The following TIGIT variants were observed in gnomAD, a reference collection of about 807,000 sequenced individuals.
The protein encoded by TIGIT is T-cell immunoreceptor with Ig and ITIM domains.
TIGIT carries 11 observed loss-of-function variants against 19.6 expected under a neutral mutation model. That is an observed-to-expected ratio of 0.56 (90% CI 0.35 to 0.93). The LOEUF (loss-of-function observed/expected upper bound fraction) is 0.93, where lower values mean the gene tolerates loss of function less well. Among genes scored for constraint, TIGIT ranks in the 40% least tolerant of loss-of-function variants. The pLI is 0.01. For missense variants in TIGIT, 295 were observed against 303.9 expected (o/e 0.97, Z 0.22); for synonymous variants, 130 against 125.5 (o/e 1.04, Z -0.24).
chr3:114,301,396 C>T (rs2078491097), intron 3 of TIGIT, among the ~76,000 whole-genome samples: 1 of 152,236 alleles, frequency 6.6e-6, no homozygotes, highest in South Asian at 2.1e-4. Flanking sequence ...TGTTGGCTAT[C>T]ACAATAGACA....
chr3:114,308,033 G>C lies in TIGIT; in HGVS notation c.637G>C (p.Glu213Gln), dbSNP rs772660560. The change falls in exon 4 of 4, where the codon GAG (glutamate) becomes CAG (glutamine). Residue 213 changes from glutamate to glutamine, a missense_variant. Glu to Gln is a conservative substitution (Grantham distance 29, BLOSUM62 2). Coordinates refer to ENST00000383671, the MANE Select transcript of TIGIT (RefSeq NM_173799.4). ...AGCTGCACCTGCTGGGCTCTGTGGA[G>C]AGCAGCGGGGAGAGGACTGTGCCGA... ...AEAAPAGLCG[E>Q]QRGEDCAELH... 2 of 1,614,066 alleles carry C rather than the reference G, an allele frequency of 1.2e-6. No individual in the cohort carries two copies. The highest frequency in any genetic ancestry group is 2.2e-5 in the South Asian group (2 of 91,074).
chr3:114,297,543 A>G (rs1576137106), intron 2 of TIGIT, among the ~76,000 whole-genome samples: 1 of 152,130 alleles, frequency 6.6e-6, no homozygotes, highest in East Asian at 1.9e-4. Flanking sequence ...AGGACCCATC[A>G]CCAGACGGCA....
At chr3:114,295,054 G>A (rs1022670155) in intron 1 of TIGIT, 1 of 165,374 alleles carries the variant, frequency 6.0e-6, no homozygotes, top group African/African-American at 2.4e-5. Flanking sequence ...GTGCTAAGTT[G>A]TGTAGTCATA....
At chr3:114,306,516 C>T (rs2078536381) in intron 3 of TIGIT, among the ~76,000 whole-genome samples, 1 of 152,198 alleles carries the variant, frequency 6.6e-6, no homozygotes, top group South Asian at 2.1e-4. Context: ...TGGGTCCCAA[C>T]TCAACCACTT....
intron 3 of TIGIT, among the ~76,000 whole-genome samples, chr3:114,304,605 C>A (rs75716061): frequency 0.036 from 5,417 of 152,316 alleles, 135 homozygotes; most frequent in African/African-American, 0.069. Context: ...CCAGTCCCTG[C>A]CAGTAGATGT....
intron 3 of TIGIT, among the ~76,000 whole-genome samples, chr3:114,305,103 T>C (rs1303910386): frequency 1.3e-5 from 2 of 152,216 alleles, no homozygotes; most frequent in Non-Finnish European, 2.9e-5. Flanking sequence ...CGGTGCAATT[T>C]AGCAAAAGTC....
At position 114,307,775 on chromosome 3, in the gene TIGIT, G is replaced by A; in HGVS notation, c.499-120G>A. On this transcript the variant is annotated intron_variant, in intron 3 of 3. Coordinates refer to ENST00000383671, the MANE Select transcript of TIGIT (RefSeq NM_173799.4). ...ATTAAGGGCTAAGGAATTGGTGTTGGTAAGAACATAAGTTTGCTGGTGTGC... is the reference window on the plus strand; with the variant it reads ...ATTAAGGGCTAAGGAATTGGTGTTGATAAGAACATAAGTTTGCTGGTGTGC... 4 of 897,586 alleles carry A rather than the reference G, an allele frequency of 4.5e-6. No homozygotes were observed. In the South Asian group the frequency reaches 6.3e-5, roughly 14 times the overall value. The allele number at this position is 897,586 out of a possible 1,614,324, so 55.6% of individuals were successfully genotyped here.
In TIGIT at chr3:114,295,531, G is replaced by A. The variant is rs548541715; in HGVS notation, c.62-14G>A. The A allele has an allele frequency of 3.9e-5, 62 of 1,604,450 alleles. 1 individual carries two copies. The East Asian group carries it at 7.8e-4, about 20-fold the overall frequency. On this transcript the variant is annotated splice_polypyrimidine_tract_variant and intron_variant, in intron 1 of 3. Transcript: ENST00000383671. ...CTGACCCAGGACTCACATGTGCTTCGTCCTCTTCCCTAGGAATGATGACAG... is the reference window on the plus strand; with the variant it reads ...CTGACCCAGGACTCACATGTGCTTCATCCTCTTCCCTAGGAATGATGACAG...
Position 114,309,744 on chromosome 3 carries a change from GA to G in TIGIT, c.*1615del, listed in dbSNP as rs2078559738. 1 of 152,130 alleles carries G rather than the reference GA, an allele frequency of 6.6e-6. No individual in the cohort carries two copies. Among genetic ancestry groups the G allele is most frequent in the African/African-American group, 2.4e-5 (1 of 41,414 alleles). The allele number at this position is 152,130 out of a possible 1,614,324, so 9.4% of individuals were successfully genotyped here. On this transcript the variant is annotated 3_prime_UTR_variant, in exon 4 of 4. Transcript: ENST00000383671. Reference sequence around the variant, plus strand: ...AATTAGTGCAAATCTGTTGGAAATAGAACACAATTCACAAATTGGAAGTGAA... The same window carrying G: ...AATTAGTGCAAATCTGTTGGAAATAGACACAATTCACAAATTGGAAGTGAA...
At chr3:114,297,408 A>C (rs1032458218) in intron 2 of TIGIT, among the ~76,000 whole-genome samples, 1 of 152,182 alleles carries the variant, frequency 6.6e-6, no homozygotes, top group Non-Finnish European at 1.5e-5. Context: ...TTTTTATGCT[A>C]TTTATTGGTT....
intron 2 of TIGIT, chr3:114,296,137 TAAG>T: frequency 2.5e-6 from 1 of 395,728 alleles, no homozygotes; most frequent in Non-Finnish European, 4.5e-6. Flanking sequence ...TGTTCTTATG[TAAG>T]AAGCACATCT....
intron 3 of TIGIT, among the ~76,000 whole-genome samples, chr3:114,302,740 T>G (rs908377355): frequency 3.9e-5 from 6 of 152,262 alleles, no homozygotes; most frequent in African/African-American, 1.2e-4. Flanking sequence ...CCCTAGCACA[T>G]TCTTTTCCAG....
chr3:114,301,000 T>C (rs2078488908), intron 3 of TIGIT, among the ~76,000 whole-genome samples: 1 of 152,128 alleles, frequency 6.6e-6, no homozygotes, highest in African/African-American at 2.4e-5. Flanking sequence ...TATCATAGAG[T>C]TGTGATGAAC....
intron 3 of TIGIT, among the ~76,000 whole-genome samples, chr3:114,303,641 A>T (rs150651842): frequency 7.4e-6 from 1 of 134,242 alleles, no homozygotes. Context: ...ACACACACAC[A>T]CACACACACA....
chr3:114,306,323 T>C (rs2078534633), intron 3 of TIGIT, among the ~76,000 whole-genome samples: 1 of 152,162 alleles, frequency 6.6e-6, no homozygotes, highest in African/African-American at 2.4e-5. Flanking sequence ...CCAATCTCCT[T>C]TGGAAACACC....
In TIGIT at chr3:114,295,879, TC is replaced by T. The variant is rs1385153227; in HGVS notation, c.391+7del. On this transcript the variant is annotated splice_donor_region_variant and intron_variant, in intron 2 of 3. Transcript: ENST00000383671. Reference sequence around the variant, plus strand: ...TGGAGGTCCTAGAAAGCTCAGGTATTCCTGCTGGAGCAAGTTGGTGGATAAA... The same window carrying T: ...TGGAGGTCCTAGAAAGCTCAGGTATTCTGCTGGAGCAAGTTGGTGGATAAA... 3.8e-6 allele frequency: 6 copies of T among 1,588,796 alleles called. No individual in the cohort carries two copies. The highest frequency in any genetic ancestry group is 3.4e-5 in the Admixed American group (2 of 58,384).
rs1576141054 is a variant in TIGIT at position 114,303,498 on chromosome 3, TATATATGTATATATATATACAC to T, written c.498+3802_498+3823del. The stretch of plus-strand genomic sequence containing the variant: ...TGAGTAGTATTCCATGGTGTGTATA[TATATATGTATATATATATACAC>T]ATATATATGTATATATATACACATA... On this transcript the variant is annotated intron_variant, in intron 3 of 3. Coordinates refer to ENST00000383671, the MANE Select transcript of TIGIT (RefSeq NM_173799.4). 3.3e-4 allele frequency among the ~76,000 whole-genome samples: 17 copies of T among 51,010 alleles called. No homozygotes were observed. The East Asian group carries it at 0.01, about 30-fold the overall frequency. 33.5% of individuals were successfully genotyped at this position (51,010 alleles called of 152,430 possible).
intron 3 of TIGIT, among the ~76,000 whole-genome samples, chr3:114,301,141 G>A (rs1420423413): frequency 6.6e-6 from 1 of 151,924 alleles, no homozygotes; most frequent in Non-Finnish European, 1.5e-5. Context: ...TGATCTCTTG[G>A]GCCCTTTAAG....
chr3:114,300,618 A>G (rs1422780950), intron 3 of TIGIT, among the ~76,000 whole-genome samples: 3 of 152,160 alleles, frequency 2.0e-5, no homozygotes, highest in Admixed American at 6.6e-5. Context: ...ACAGAATACA[A>G]TTATTGGGAA....
Sources: allele counts gnomAD v4.1 joint callset (sites outside exome capture counted in the v4.1 genomes callset), GRCh38; gene constraint gnomAD v4.1.1; transcripts MANE v1.5; gene names NCBI Gene and HGNC (gene_info 2026-07-23, HGNC 2026-07-21).